The following FNBP1L variants were observed in gnomAD, a reference collection of about 807,000 sequenced individuals.
FNBP1L encodes the protein formin binding protein 1 like, also known as formin-binding protein 1-like.
In FNBP1L, 36 loss-of-function variants were observed where a neutral mutation model predicts 91.2. The ratio of observed to expected loss-of-function variants is 0.39; its 90% confidence interval spans 0.30 to 0.52. The LOEUF is 0.52. FNBP1L is among the 20% of genes least tolerant of loss of function. The pLI is 0.66. For synonymous variants in FNBP1L, 242 were observed against 237.0 expected (o/e 1.02, Z -0.19); for missense variants, 571 against 732.1 (o/e 0.78, Z 2.54).
At chr1:93,476,659 G>A (rs1669506637) in intron 1 of FNBP1L, among the ~76,000 whole-genome samples, 1 of 152,134 alleles carries the variant, frequency 6.6e-6, no homozygotes, top group African/African-American at 2.4e-5. Flanking sequence ...TTGTAACAGA[G>A]ATCTGAAAAA....
At chr1:93,528,184 C>G (rs1282767094) in intron 5 of FNBP1L, among the ~76,000 whole-genome samples, 6 of 152,056 alleles carry the variant, frequency 3.9e-5, no homozygotes, top group African/African-American at 1.4e-4. Flanking sequence ...AGAAAGTTTT[C>G]CCAGAACTGA....
At position 93,553,333 on chromosome 1, in the gene FNBP1L, A is replaced by G. The variant is rs1672478001; in HGVS notation, c.*917A>G. 1 of 152,570 alleles carries G rather than the reference A, an allele frequency of 6.6e-6. No individual in the cohort carries two copies. The highest frequency in any genetic ancestry group is 6.5e-5 in the Admixed American group (1 of 15,274). 9.5% of individuals were successfully genotyped at this position (152,570 alleles called of 1,614,324 possible). A position where few individuals can be genotyped will look rare whatever the true frequency, so the allele number is the denominator to read the frequency against. On this transcript the variant is annotated 3_prime_UTR_variant, in exon 17 of 17. Transcript: ENST00000271234. ...AAATCTGTTGATTGCCAACACTACC[A>G]CTACAGTATCCCACAAAGGGCTTTA... is the stretch of plus-strand genomic sequence containing the variant.
chr1:93,451,266 CT>C (rs576977065), intron 1 of FNBP1L, among the ~76,000 whole-genome samples: 1 of 151,956 alleles, frequency 6.6e-6, no homozygotes, highest in Admixed American at 6.6e-5. Flanking sequence ...AAATTACTAG[CT>C]TTTTTTTAAC....
chr1:93,548,227 A>G (rs1343408741), intron 14 of FNBP1L, among the ~76,000 whole-genome samples: 6 of 152,192 alleles, frequency 3.9e-5, no homozygotes, highest in Admixed American at 3.9e-4. Context: ...GTTATTAGGT[A>G]AAACTCAGAT....
chr1:93,472,304 T>C (rs1669314705), intron 1 of FNBP1L, among the ~76,000 whole-genome samples: 1 of 152,204 alleles, frequency 6.6e-6, no homozygotes. Context: ...ACTAATCTAA[T>C]GATTTTTGAA....
Position 93,463,273 on chromosome 1 carries a change from C to G in FNBP1L, c.24+14968C>G, listed in dbSNP as rs1199942273. ...GCCATTTCTTCAAAGAGCCCTGGTT[C>G]ATTTTGTTGTAGAATAGTGTTAGAA... On this transcript the variant is annotated intron_variant, in intron 1 of 16. Coordinates refer to ENST00000271234, the MANE Select transcript of FNBP1L (RefSeq NM_001164473.3). Among the ~76,000 whole-genome samples, 5 of 152,120 alleles carry G rather than the reference C, an allele frequency of 3.3e-5. No homozygotes were observed. The East Asian group carries it at 9.6e-4, about 29-fold the overall frequency.
intron 1 of FNBP1L, among the ~76,000 whole-genome samples, chr1:93,487,975 T>C (rs1669964265): frequency 6.6e-6 from 1 of 152,220 alleles, no homozygotes; most frequent in South Asian, 2.1e-4. Flanking sequence ...AATTTAACTG[T>C]CTAAAGCCAA....
rs369820145 is a variant in FNBP1L, at chr1:93,550,972, G to A, written c.1677G>A (p.Met559Ile). 6 of 1,599,914 alleles carry A rather than the reference G, an allele frequency of 3.8e-6. No homozygotes were observed. Among genetic ancestry groups the A allele is most frequent in the Non-Finnish European group, 4.3e-6 (5 of 1,172,780 alleles). The part of the protein sequence containing the change: ...FDGHNEGTLA[M>I]KEGEVLYIIE... Reference sequence around the variant, plus strand: ...GACATAATGAAGGTACTCTAGCAATGAAAGAAGGTGAAGTTCTCTACATTA... The same window carrying A: ...GACATAATGAAGGTACTCTAGCAATAAAAGAAGGTGAAGTTCTCTACATTA... The change falls in exon 16 of 17, where the codon ATG becomes ATA. Residue 559 changes from methionine (M) to isoleucine (I), a missense_variant. Met to Ile is a conservative substitution (Grantham distance 10, BLOSUM62 1). Transcript: ENST00000271234.
At chr1:93,506,923 C>T (rs1670637631) in intron 2 of FNBP1L, among the ~76,000 whole-genome samples, 1 of 151,962 alleles carries the variant, frequency 6.6e-6, no homozygotes, top group Non-Finnish European at 1.5e-5. Flanking sequence ...ACATATATAA[C>T]TAATATGTAT....
At chr1:93,449,207 A>T (rs887590264) in intron 1 of FNBP1L, among the ~76,000 whole-genome samples, 3 of 151,910 alleles carry the variant, frequency 2.0e-5, no homozygotes, top group Middle Eastern at 3.4e-3. Context: ...GGCGGAGGGT[A>T]ATAGGTCGGA....
chr1:93,498,077 T>A (rs1007089999), intron 1 of FNBP1L, among the ~76,000 whole-genome samples: 3 of 152,184 alleles, frequency 2.0e-5, no homozygotes, highest in African/African-American at 7.2e-5. Context: ...ATTTAATATA[T>A]AAATAACTAC....
intron 1 of FNBP1L, among the ~76,000 whole-genome samples, chr1:93,468,142 A>G (rs977201917): frequency 2.6e-5 from 4 of 152,090 alleles, no homozygotes. Context: ...GGAAACCACT[A>G]ATCTTCCTGT....
Position 93,487,784 on chromosome 1 carries a change from T to C in FNBP1L, c.25-11684T>C, listed in dbSNP as rs968703065. Among the ~76,000 whole-genome samples the C allele has an allele frequency of 2.6e-5, 4 of 152,328 alleles. No individual in the cohort carries two copies. The South Asian group carries it at 8.3e-4, about 32-fold the overall frequency. On this transcript the variant is annotated intron_variant, in intron 1 of 16. Transcript: ENST00000271234. ...TCACTGGTCACTCCTCAGTGTCCTTTGCTGGTTCTTCATCAATTCCTTGAC... is the reference window on the plus strand; with the variant it reads ...TCACTGGTCACTCCTCAGTGTCCTTCGCTGGTTCTTCATCAATTCCTTGAC...
intron 1 of FNBP1L, among the ~76,000 whole-genome samples, chr1:93,476,188 A>C (rs907183078): frequency 6.6e-6 from 1 of 152,222 alleles, no homozygotes; most frequent in Non-Finnish European, 1.5e-5. Context: ...ATGATATGTA[A>C]CTGATTCTAT....
At chr1:93,536,882 A>G (rs1428723258) in intron 10 of FNBP1L, among the ~76,000 whole-genome samples, 2 of 152,088 alleles carry the variant, frequency 1.3e-5, no homozygotes, top group African/African-American at 2.4e-5. Context: ...TATTTTATTG[A>G]CAATAAAATG....
intron 1 of FNBP1L, among the ~76,000 whole-genome samples, chr1:93,451,947 G>A (rs1439389236): frequency 1.3e-5 from 2 of 152,130 alleles, no homozygotes; most frequent in African/African-American, 2.4e-5. Context: ...ACCGTGCCCG[G>A]TCTTCATCAT....
chr1:93,481,898 A>G (rs1380086246), intron 1 of FNBP1L, among the ~76,000 whole-genome samples: 1 of 152,136 alleles, frequency 6.6e-6, no homozygotes, highest in Non-Finnish European at 1.5e-5. Context: ...AGTGGCTCAC[A>G]CCTGTAATCC....
At chr1:93,510,151 T>C (rs1014458292) in intron 2 of FNBP1L, among the ~76,000 whole-genome samples, 6 of 152,194 alleles carry the variant, frequency 3.9e-5, no homozygotes, top group African/African-American at 1.4e-4. Context: ...GCTCCACCTC[T>C]GGGGGCAGGG....
intron 2 of FNBP1L, among the ~76,000 whole-genome samples, chr1:93,509,556 C>T (rs1429488205): frequency 1.3e-5 from 2 of 152,174 alleles, no homozygotes; most frequent in Non-Finnish European, 2.9e-5. Flanking sequence ...CAGACTGGGA[C>T]CCTAAACAAT....
Sources: gnomAD v4.1 joint callset for allele counts (sites outside exome capture counted in the v4.1 genomes callset) on GRCh38, gnomAD v4.1.1 for gene constraint, MANE v1.5 for transcripts, NCBI Gene and HGNC (gene_info 2026-07-23, HGNC 2026-07-21) for gene names.